ATP2B4: variants seen among roughly 807,000 people sequenced by gnomAD.
The protein encoded by ATP2B4 is ATPase plasma membrane Ca2+ transporting 4.
ATP2B4 carries 39 observed loss-of-function variants against 110.3 expected under a neutral mutation model. That is an observed-to-expected ratio of 0.35 (90% CI 0.27 to 0.46). ATP2B4 has a LOEUF of 0.46. Among genes scored for constraint, ATP2B4 ranks in the 20% least tolerant of loss-of-function variants. ATP2B4 has a pLI of 1.00. For synonymous variants in ATP2B4, 538 were observed against 571.7 expected (o/e 0.94, Z 0.84); for missense variants, 1,135 against 1,530.9 (o/e 0.74, Z 4.32).
Position 203,708,047 on chromosome 1 carries a change from C to T in ATP2B4, c.1500C>T (p.Val500=), listed in dbSNP as rs1480374823. 10 of 1,614,030 alleles carry T rather than the reference C, an allele frequency of 6.2e-6. No individual in the cohort carries two copies. The highest frequency in any genetic ancestry group is 2.2e-5 in the East Asian group (1 of 44,890). The change falls in exon 10 of 21, where the codon GTC becomes GTT. Residue 500 remains valine, a synonymous_variant. Transcript: ENST00000357681. ...IPSPDVFLPK[V]LDLIVNGISI... ...GCCCTGATGTCTTCCTGCCCAAAGT[C>T]CTGGACCTCATTGTCAATGGCATTT...
intron 14 of ATP2B4, among the ~76,000 whole-genome samples, chr1:203,713,938 C>T (rs968810578): frequency 1.3e-5 from 2 of 152,184 alleles, no homozygotes; most frequent in African/African-American, 4.8e-5. Context: ...CCCTAGGTCT[C>T]TGCCTTGAAA....
At position 203,739,293 on chromosome 1, in the gene ATP2B4, C is replaced by CT. The variant is rs1471842970; in HGVS notation, c.3310-246dup. ...TGCTAACGTTGCTTTGGGTTTTCTA[C>CT]TTTTTTTAATGCAGCTTTCAAAACG... On this transcript the variant is annotated intron_variant, in intron 20 of 20. Transcript: ENST00000357681. 4.6e-5 allele frequency among the ~76,000 whole-genome samples: 7 copies of CT among 152,212 alleles called. No homozygotes were observed. In the East Asian group the frequency reaches 1.4e-3, roughly 29 times the overall value.
In ATP2B4 at chr1:203,713,096, G is replaced by A. The variant is rs1666059550; in HGVS notation, c.2212-69G>A. 1.0e-5 allele frequency: 16 copies of A among 1,544,340 alleles called. No homozygotes were observed. In the South Asian group the frequency reaches 1.7e-4, roughly 16 times the overall value. ...ATCTCCCAGTGACTCCAAGTGTATG[G>A]AGAAGTTAAGATTTTCCTGGATAGC... On this transcript the variant is annotated intron_variant, in intron 13 of 20. Coordinates refer to ENST00000357681, the MANE Select transcript of ATP2B4 (RefSeq NM_001684.5).
At chr1:203,713,376 G>GACCT in intron 14 of ATP2B4, 124 bp downstream of exon 14, 1 of 941,822 alleles carries the variant, frequency 1.1e-6, no homozygotes, top group Non-Finnish European at 1.7e-6. Context: ...GAGCTCCCAG[G>GACCT]CTAGTGGGGA....
intron 1 of ATP2B4, among the ~76,000 whole-genome samples, chr1:203,665,529 C>T (rs554369447): frequency 1.3e-5 from 2 of 152,232 alleles, no homozygotes; most frequent in East Asian, 1.9e-4. Context: ...TGGCCGGGCT[C>T]GGTGGCTCAC....
chr1:203,726,461 G>A (rs1290477746), intron 19 of ATP2B4, among the ~76,000 whole-genome samples: 1 of 150,826 alleles, frequency 6.6e-6, no homozygotes, highest in Non-Finnish European at 1.5e-5. Flanking sequence ...TCCTAAAGCA[G>A]TTTTATGCTT....
chr1:203,724,901 G>A (rs1666463529), intron 19 of ATP2B4, among the ~76,000 whole-genome samples: 1 of 117,910 alleles, frequency 8.5e-6, no homozygotes. Context: ...TTCTGAGACA[G>A]AGTCTTGCTC....
At position 203,686,685 on chromosome 1, in the gene ATP2B4, CTTTTTTT is replaced by C. The variant is rs779048789; in HGVS notation, c.193+3307_193+3313del. ...CCTGGTGTTTTTCTTTCTTTTCTTT[CTTTTTTT>C]TTTTTTTTTTTTTTTTTTTAGAAGG... is the stretch of plus-strand genomic sequence containing the variant. On this transcript the variant is annotated intron_variant, in intron 2 of 20. Coordinates refer to ENST00000357681, the MANE Select transcript of ATP2B4 (RefSeq NM_001684.5). Among the ~76,000 whole-genome samples, 228 of 42,778 alleles carry C rather than the reference CTTTTTTT, an allele frequency of 5.3e-3. 3 individuals are homozygous for C. Among genetic ancestry groups the C allele is most frequent in the East Asian group, 0.046 (21 of 460 alleles). The allele number at this position is 42,778 out of a possible 152,430, so 28.1% of individuals were successfully genotyped here.
At chr1:203,666,008 A>G (rs112463118) in intron 1 of ATP2B4, among the ~76,000 whole-genome samples, 3,229 of 152,278 alleles carry the variant, frequency 0.021, 104 homozygotes, top group African/African-American at 0.071. Flanking sequence ...TAGTATTGTT[A>G]CTGGTGATAA....
At chr1:203,701,487 C>G (rs547100934) in intron 6 of ATP2B4, among the ~76,000 whole-genome samples, 3 of 152,222 alleles carry the variant, frequency 2.0e-5, no homozygotes, top group African/African-American at 7.2e-5. Flanking sequence ...CAAGTCTACA[C>G]GTTTCCCTAA....
chr1:203,667,765 G>A (rs1476765506), intron 1 of ATP2B4, among the ~76,000 whole-genome samples: 1 of 152,208 alleles, frequency 6.6e-6, no homozygotes, highest in East Asian at 1.9e-4. Context: ...GGAGGAGGGA[G>A]GGAAGACAGC....
chr1:203,654,108 C>T (rs907050637), intron 1 of ATP2B4, among the ~76,000 whole-genome samples: 6 of 150,758 alleles, frequency 4.0e-5, no homozygotes, highest in Admixed American at 1.3e-4. Flanking sequence ...CTCAGCCTCC[C>T]GAGTAGCTGG....
chr1:203,648,023 T>C (rs1366420618), intron 1 of ATP2B4, among the ~76,000 whole-genome samples: 1 of 152,082 alleles, frequency 6.6e-6, no homozygotes, highest in African/African-American at 2.4e-5. Flanking sequence ...AAATGTAAAG[T>C]GGCTTTTACA....
chr1:203,683,502 G>T, intron 2 of ATP2B4, 104 bp downstream of exon 2: 1 of 1,221,986 alleles, frequency 8.2e-7, no homozygotes, highest in Non-Finnish European at 1.1e-6. Flanking sequence ...GGCCCAGCTG[G>T]TATATTTTTG....
intron 1 of ATP2B4, among the ~76,000 whole-genome samples, chr1:203,637,206 C>T (rs1480159164): frequency 6.6e-6 from 1 of 152,146 alleles, no homozygotes; most frequent in Admixed American, 6.5e-5. Flanking sequence ...CCGAGGCAGG[C>T]GGATCACGAG....
intron 20 of ATP2B4, chr1:203,729,561 AAG>A (rs1491283095): frequency 9.6e-5 from 43 of 447,322 alleles, no homozygotes; most frequent in South Asian, 2.4e-4. Flanking sequence ...AAAAAAAAAA[AAG>A]AAGAAGAAAA....
intron 8 of ATP2B4, 136 bp from the exon 9 acceptor site, chr1:203,706,873 G>A (rs1665863815): frequency 4.3e-6 from 3 of 699,974 alleles, no homozygotes; most frequent in Middle Eastern, 3.7e-4. Flanking sequence ...GAATGGGGGG[G>A]ATTTTAGTAA....
chr1:203,684,763 G>C (rs2102364038), intron 2 of ATP2B4, among the ~76,000 whole-genome samples: 1 of 152,090 alleles, frequency 6.6e-6, no homozygotes, highest in South Asian at 2.1e-4. Flanking sequence ...TCACTGTTTT[G>C]TGTCAGGGAA....
At chr1:203,734,930 G>A (rs1391919182) in intron 20 of ATP2B4, among the ~76,000 whole-genome samples, 3 of 148,500 alleles carry the variant, frequency 2.0e-5, no homozygotes, top group Non-Finnish European at 4.4e-5. Context: ...CTGGAACCCA[G>A]GAGGCGGAGG....
Sources: allele counts gnomAD v4.1 joint callset (sites outside exome capture counted in the v4.1 genomes callset), GRCh38; gene constraint gnomAD v4.1.1; transcripts MANE v1.5; gene names NCBI Gene and HGNC (gene_info 2026-07-23, HGNC 2026-07-21).